Variants in SLC9A8 observed in about 807,000 individuals in gnomAD.
SLC9A8 encodes solute carrier family 9 member A8, also known as sodium/hydrogen exchanger 8.
SLC9A8 carries 48 observed loss-of-function variants against 66.6 expected under a neutral mutation model. The ratio of observed to expected loss-of-function variants is 0.72; its 90% confidence interval spans 0.57 to 0.92. The LOEUF is 0.92. SLC9A8 is among the 40% of genes least tolerant of loss of function. The pLI is 0.00. For missense variants in SLC9A8, 599 were observed against 747.3 expected (o/e 0.80, Z 2.31); for synonymous variants, 274 against 282.6 (o/e 0.97, Z 0.31).
intron 2 of SLC9A8, among the ~76,000 whole-genome samples, chr20:49,817,744 A>C (rs753656799): frequency 6.6e-6 from 1 of 152,228 alleles, no homozygotes; most frequent in Non-Finnish European, 1.5e-5. Context: ...CACAGACCAG[A>C]AGTATACAAT....
At chr20:49,826,730 T>A (rs2086925196) in intron 3 of SLC9A8, among the ~76,000 whole-genome samples, 1 of 152,236 alleles carries the variant, frequency 6.6e-6, no homozygotes, top group Admixed American at 6.5e-5. Flanking sequence ...GTTTGGGCCT[T>A]TTAAAAACTA....
intron 4 of SLC9A8, among the ~76,000 whole-genome samples, chr20:49,842,790 T>C (rs541461128): frequency 5.9e-5 from 9 of 152,222 alleles, no homozygotes; most frequent in Non-Finnish European, 1.2e-4. Context: ...GAGATTTGTT[T>C]TCTCACAATT....
intron 10 of SLC9A8, among the ~76,000 whole-genome samples, chr20:49,869,389 T>G (rs2089108452): frequency 6.6e-6 from 1 of 151,810 alleles, no homozygotes. Context: ...CGACTAATTT[T>G]TTTTTTGTAT....
intron 10 of SLC9A8, among the ~76,000 whole-genome samples, chr20:49,874,116 T>G (rs1277790498): frequency 2.0e-5 from 3 of 151,898 alleles, no homozygotes; most frequent in Non-Finnish European, 4.4e-5. Flanking sequence ...CCAGGCATGG[T>G]GATGCGTGCC....
At chr20:49,855,669 G>C (rs1266578366) in intron 8 of SLC9A8, 88 bp downstream of exon 8, 13 of 1,266,648 alleles carry the variant, frequency 1.0e-5, no homozygotes, top group African/African-American at 3.0e-5. Context: ...CACACAGCAT[G>C]TGTACAGTTG....
Position 49,888,818 on chromosome 20 carries a change from T to A in SLC9A8, c.*882T>A, listed in dbSNP as rs1303481286. On this transcript the variant is annotated 3_prime_UTR_variant, in exon 16 of 16. Transcript: ENST00000361573. ...CACCATTCCCGTACTCAGTTGTTCT[T>A]TTGTCTAATCGGAGGCCACTGTGCT... is the stretch of plus-strand genomic sequence containing the variant. 1.3e-5 allele frequency: 2 copies of A among 152,348 alleles called. No individual in the cohort carries two copies. The highest frequency in any genetic ancestry group is 1.3e-4 in the Admixed American group (2 of 15,284). The allele number at this position is 152,348 out of a possible 1,614,324, so 9.4% of individuals were successfully genotyped here.
intron 4 of SLC9A8, among the ~76,000 whole-genome samples, chr20:49,844,620 A>T (rs656725): frequency 9.8e-4 from 1 of 1,020 alleles, no homozygotes; most frequent in African/African-American, 6.0e-3. Context: ...CCTGTATCTT[A>T]AAAAAAAAAA....
intron 2 of SLC9A8, among the ~76,000 whole-genome samples, chr20:49,816,513 T>G (rs1324570538): frequency 1.3e-5 from 2 of 152,136 alleles, no homozygotes; most frequent in East Asian, 1.9e-4. Context: ...GTCAGGTGGT[T>G]GTCATACCAG....
At chr20:49,882,437 G>A (rs961317457) in intron 13 of SLC9A8, among the ~76,000 whole-genome samples, 11 of 152,176 alleles carry the variant, frequency 7.2e-5, no homozygotes, top group African/African-American at 2.7e-4. Context: ...TCTCTCCTTT[G>A]ACGTCTCCTT....
intron 3 of SLC9A8, among the ~76,000 whole-genome samples, chr20:49,824,449 G>A (rs954568834): frequency 6.6e-6 from 1 of 152,178 alleles, no homozygotes; most frequent in African/African-American, 2.4e-5. Flanking sequence ...GGGACATTCG[G>A]TAAAGGCTCT....
Position 49,888,026 on chromosome 20 carries a change from A to T in SLC9A8, c.*90A>T. ...GCAGGGGCCTCGCAGAGATGCGTGC[A>T]TCCAGCAGCCCCTTCAAGACATAAG... On this transcript the variant is annotated 3_prime_UTR_variant, in exon 16 of 16. Transcript: ENST00000361573. The T allele has an allele frequency of 1.0e-6, 1 of 1,002,110 alleles. No homozygotes were observed. Among genetic ancestry groups the T allele is most frequent in the African/African-American group, 1.6e-5 (1 of 62,914 alleles). 62.1% of individuals were successfully genotyped at this position (1,002,110 alleles called of 1,614,324 possible).
chr20:49,845,222 G>A lies in SLC9A8; in HGVS notation c.432+103G>A, dbSNP rs532809228. ...GTATAATTTAGCAGCAGCAGCAGCA[G>A]CAGCTCTGCTCCTTCCTGGTTGTGC... On this transcript the variant is annotated intron_variant, in intron 5 of 15. Transcript: ENST00000361573. 9.5e-5 allele frequency: 77 copies of A among 812,776 alleles called. No individual in the cohort carries two copies. The South Asian group carries it at 1.0e-3, about 11-fold the overall frequency. The allele number at this position is 812,776 out of a possible 1,614,324, so 50.3% of individuals were successfully genotyped here.
intron 14 of SLC9A8, 36 bp downstream of exon 14, chr20:49,884,102 G>A: frequency 6.3e-7 from 1 of 1,583,448 alleles, no homozygotes. Context: ...GGGGCAGGGG[G>A]CTGGCCTGCT....
At chr20:49,851,965 G>A (rs2088272514) in intron 7 of SLC9A8, among the ~76,000 whole-genome samples, 1 of 152,246 alleles carries the variant, frequency 6.6e-6, no homozygotes, top group Non-Finnish European at 1.5e-5. Context: ...AATTGAATCA[G>A]TGGTTGGGAT....
In SLC9A8 at chr20:49,849,660, G is replaced by A; in HGVS notation, c.514G>A (p.Gly172Arg). 6.2e-7 allele frequency: 1 copy of A among 1,612,666 alleles called. No homozygotes were observed. Among genetic ancestry groups the A allele is most frequent in the South Asian group, 1.1e-5 (1 of 91,056 alleles). ...AATCTCCGCTTTTGTAGTAGGTGGAGGAATTTATTTTCTGGGTCAGGTAAG... is the reference window on the plus strand; with the variant it reads ...AATCTCCGCTTTTGTAGTAGGTGGAAGAATTTATTTTCTGGGTCAGGTAAG... Reference protein sequence around the residue: ...TAISAFVVGGGIYFLGQADVI... With the variant: ...TAISAFVVGGRIYFLGQADVI... The change falls in exon 6 of 16, where the codon GGA (glycine) becomes AGA (arginine). Residue 172 changes from glycine to arginine, a missense_variant. By Grantham distance (125) the Gly-to-Arg change is moderately radical. Around this residue, in one of 2 missense-constraint regions of SLC9A8, gnomAD observed 467 missense variants for 626.5 expected, o/e 0.75. Coordinates refer to ENST00000361573, the MANE Select transcript of SLC9A8 (RefSeq NM_015266.3).
chr20:49,834,885 A>G (rs976380860), intron 3 of SLC9A8, among the ~76,000 whole-genome samples: 7 of 152,240 alleles, frequency 4.6e-5, no homozygotes. Context: ...AGCTTTAAAA[A>G]TGAAGCCTGA....
At chr20:49,847,057 C>T (rs2088027640) in intron 5 of SLC9A8, among the ~76,000 whole-genome samples, 1 of 151,958 alleles carries the variant, frequency 6.6e-6, no homozygotes, top group South Asian at 2.1e-4. Flanking sequence ...CTTTAATTTT[C>T]CTGTACTAAA....
chr20:49,820,836 C>T (rs941871971), intron 2 of SLC9A8, among the ~76,000 whole-genome samples: 4 of 152,146 alleles, frequency 2.6e-5, no homozygotes, highest in Non-Finnish European at 5.9e-5. Flanking sequence ...TGAGCCACCG[C>T]ACCAGGCCCT....
chr20:49,874,919 C>G (rs1249340447), intron 11 of SLC9A8, 98 bp downstream of exon 11: 1 of 822,894 alleles, frequency 1.2e-6, no homozygotes, highest in Non-Finnish European at 2.1e-6. Flanking sequence ...TCCCTGGCAG[C>G]AGGGCAGCAG....
Sources: allele counts gnomAD v4.1 joint callset (sites outside exome capture counted in the v4.1 genomes callset), GRCh38; gene constraint gnomAD v4.1.1; regional missense constraint gnomAD v4.1.1; transcripts MANE v1.5; gene names NCBI Gene and HGNC (gene_info 2026-07-23, HGNC 2026-07-21).